Variants in AUTS2 observed in about 807,000 individuals in gnomAD.
The protein encoded by AUTS2 is autism susceptibility gene 2 protein.
Under a neutral mutation model 112.4 loss-of-function variants are expected in AUTS2, and 17 were observed. The observed-to-expected ratio is 0.15, with a 90% CI of 0.10 to 0.23. The LOEUF (loss-of-function observed/expected upper bound fraction) is 0.23, where lower values mean the gene tolerates loss of function less well. Among genes scored for constraint, AUTS2 ranks in the 10% least tolerant of loss-of-function variants. AUTS2 has a pLI of 1.00. For missense variants in AUTS2, 1,510 were observed against 1,701.6 expected (o/e 0.89, Z 1.98); for synonymous variants, 751 against 702.7 (o/e 1.07, Z -1.09).
intron 2 of AUTS2, among the ~76,000 whole-genome samples, chr7:69,983,340 C>CTT (rs79738510): frequency 7.0e-6 from 1 of 143,766 alleles, no homozygotes. Context: ...TTTATATAAA[C>CTT]TTTTTTTTTT....
chr7:69,740,349 C>T (rs1396032432), intron 1 of AUTS2, among the ~76,000 whole-genome samples: 2 of 152,062 alleles, frequency 1.3e-5, no homozygotes, highest in East Asian at 3.8e-4. Context: ...AACTAGTAAC[C>T]AGAGAAGGTA....
intron 1 of AUTS2, among the ~76,000 whole-genome samples, chr7:69,608,973 A>T (rs1272014726): frequency 6.6e-6 from 1 of 152,218 alleles, no homozygotes; most frequent in Non-Finnish European, 1.5e-5. Context: ...AAACTTTTTC[A>T]TAGCAGCCTT....
At chr7:69,609,477 T>TA (rs1371458261) in intron 1 of AUTS2, among the ~76,000 whole-genome samples, 10 of 152,194 alleles carry the variant, frequency 6.6e-5, no homozygotes, top group Non-Finnish European at 1.2e-4. Context: ...GGATGTAAAA[T>TA]AAAAAAATAA....
chr7:69,961,943 G>T (rs991206335), intron 2 of AUTS2, among the ~76,000 whole-genome samples: 1 of 152,130 alleles, frequency 6.6e-6, no homozygotes, highest in Non-Finnish European at 1.5e-5. Flanking sequence ...AAGGTGATTG[G>T]TTCAAGCATT....
intron 2 of AUTS2, among the ~76,000 whole-genome samples, chr7:70,059,840 T>C (rs1802161273): frequency 6.6e-6 from 1 of 152,206 alleles, no homozygotes. Flanking sequence ...ATGTCACTCA[T>C]TTATTTAAGC....
chr7:69,974,841 T>A (rs1389511083), intron 2 of AUTS2, among the ~76,000 whole-genome samples: 2 of 152,202 alleles, frequency 1.3e-5, no homozygotes, highest in Non-Finnish European at 2.9e-5. Flanking sequence ...TATCTTTTTT[T>A]AATTTTTGCT....
At chr7:70,014,084 A>G (rs1799923019) in intron 2 of AUTS2, among the ~76,000 whole-genome samples, 1 of 152,192 alleles carries the variant, frequency 6.6e-6, no homozygotes, top group African/African-American at 2.4e-5. Flanking sequence ...AGGAAATATA[A>G]TATCACTATA....
intron 1 of AUTS2, among the ~76,000 whole-genome samples, chr7:69,780,233 A>G (rs1789089104): frequency 6.6e-6 from 1 of 152,146 alleles, no homozygotes; most frequent in African/African-American, 2.4e-5. Flanking sequence ...TTTTATTCTT[A>G]ATTTATCAAG....
chr7:69,627,502 CAAAAAAACAAACAA>C (rs1458404516), intron 1 of AUTS2, among the ~76,000 whole-genome samples: 1 of 150,996 alleles, frequency 6.6e-6, no homozygotes, highest in Non-Finnish European at 1.5e-5. Context: ...AAAAAAACCC[CAAAAAAACAAACAA>C]AAAAAAACAA....
chr7:70,132,554 A>C (rs143826799), intron 3 of AUTS2, among the ~76,000 whole-genome samples: 1 of 152,320 alleles, frequency 6.6e-6, no homozygotes, highest in East Asian at 1.9e-4. Context: ...AAGTAATTTG[A>C]TGTTGACATC....
At chr7:70,364,759 T>G (rs1036364732) in intron 4 of AUTS2, among the ~76,000 whole-genome samples, 71 of 152,228 alleles carry the variant, frequency 4.7e-4, no homozygotes, top group African/African-American at 1.7e-3. Flanking sequence ...TTGAAAACAT[T>G]TAGTTAACTC....
At chr7:69,965,007 C>T (rs1797581142) in intron 2 of AUTS2, among the ~76,000 whole-genome samples, 1 of 152,052 alleles carries the variant, frequency 6.6e-6, no homozygotes, top group East Asian at 1.9e-4. Flanking sequence ...CTGCCCATTT[C>T]CTCCCAGCAG....
intron 4 of AUTS2, among the ~76,000 whole-genome samples, chr7:70,170,103 C>G (rs193297767): frequency 2.2e-4 from 33 of 147,866 alleles, no homozygotes; most frequent in Admixed American, 1.9e-3. Context: ...AAAAAAAACT[C>G]ACAAAATCTT....
At chr7:69,848,345 C>T (rs749158115) in intron 1 of AUTS2, among the ~76,000 whole-genome samples, 1 of 152,096 alleles carries the variant, frequency 6.6e-6, no homozygotes, top group Non-Finnish European at 1.5e-5. Flanking sequence ...ATAAATCAGC[C>T]GCAGCTTGCT....
At chr7:69,982,306 C>G (rs1421587992) in intron 2 of AUTS2, among the ~76,000 whole-genome samples, 1 of 152,154 alleles carries the variant, frequency 6.6e-6, no homozygotes, top group Non-Finnish European at 1.5e-5. Flanking sequence ...CATTCCTTCT[C>G]TCTCAGGGGA....
At chr7:69,704,529 C>T (rs892866147) in intron 1 of AUTS2, among the ~76,000 whole-genome samples, 3 of 152,124 alleles carry the variant, frequency 2.0e-5, no homozygotes, top group East Asian at 1.9e-4. Flanking sequence ...CTGCCCATCT[C>T]GGCCTCCCAA....
intron 4 of AUTS2, among the ~76,000 whole-genome samples, chr7:70,167,094 C>T (rs779912047): frequency 2.0e-5 from 3 of 152,098 alleles, no homozygotes; most frequent in African/African-American, 4.8e-5. Flanking sequence ...GGTGTGGTGG[C>T]TCATGCCTGT....
At chr7:70,687,307 T>G (rs1808521558) in intron 5 of AUTS2, among the ~76,000 whole-genome samples, 1 of 152,192 alleles carries the variant, frequency 6.6e-6, no homozygotes, top group African/African-American at 2.4e-5. Context: ...TCTCATCACA[T>G]GCACTGCTGT....
At chr7:69,792,709 G>C (rs992971053) in intron 1 of AUTS2, among the ~76,000 whole-genome samples, 1 of 152,028 alleles carries the variant, frequency 6.6e-6, no homozygotes, top group African/African-American at 2.4e-5. Context: ...GTGAATCTAC[G>C]AGACTGAGTA....
Sources: gnomAD v4.1 joint callset for allele counts (sites outside exome capture counted in the v4.1 genomes callset) on GRCh38, gnomAD v4.1.1 for gene constraint, MANE v1.5 for transcripts, NCBI Gene and HGNC (gene_info 2026-07-23, HGNC 2026-07-21) for gene names.